Variants in PCDHA7 observed in about 807,000 individuals in gnomAD.
PCDHA7 encodes the protein protocadherin alpha 7.
PCDHA7 carries 37 observed loss-of-function variants against 57.2 expected under a neutral mutation model. That is an observed-to-expected ratio of 0.65 (90% CI 0.50 to 0.85). The LOEUF (loss-of-function observed/expected upper bound fraction) is 0.85. Ranked by LOEUF, PCDHA7 falls within the 40% of genes least tolerant of loss-of-function variation. The pLI, the probability that PCDHA7 is intolerant of heterozygous loss-of-function variation, is 0.00. For missense variants in PCDHA7, 1,188 were observed against 1,241.8 expected (o/e 0.96, Z 0.65); for synonymous variants, 553 against 558.8 (o/e 0.99, Z 0.15).
At chr5:140,926,789 G>C in intron 1 of PCDHA7, 1 of 1,432,318 alleles carries the variant, frequency 7.0e-7, no homozygotes, top group Non-Finnish European at 9.1e-7. Context: ...CGGCCGGCAG[G>C]AGCGTGCTCT....
At chr5:140,993,523 C>CAG (rs111789518) in intron 3 of PCDHA7, among the ~76,000 whole-genome samples, 24 of 145,748 alleles carry the variant, frequency 1.6e-4, no homozygotes, top group African/African-American at 5.0e-4. Flanking sequence ...GAGAGAGAGA[C>CAG]AGAGAGAGAG....
chr5:140,843,109 A>C (rs2150352812), intron 1 of PCDHA7: 9 of 1,595,800 alleles, frequency 5.6e-6, no homozygotes, highest in Non-Finnish European at 6.9e-6. Flanking sequence ...AGGTGCGCGC[A>C]GTGGACGCCG....
At chr5:140,918,853 C>T (rs1348069562) in intron 1 of PCDHA7, among the ~76,000 whole-genome samples, 4 of 152,134 alleles carry the variant, frequency 2.6e-5, no homozygotes, top group Non-Finnish European at 5.9e-5. Context: ...CTGCTGGTGC[C>T]TGAATCATGA....
chr5:140,929,499 C>A, intron 1 of PCDHA7: 2 of 980,262 alleles, frequency 2.0e-6, no homozygotes, highest in Non-Finnish European at 2.8e-6. Context: ...GAAGATTGCC[C>A]TAGGCCTCAA....
chr5:140,888,275 G>A (rs974764035), intron 1 of PCDHA7, among the ~76,000 whole-genome samples: 1 of 152,056 alleles, frequency 6.6e-6, no homozygotes, highest in African/African-American at 2.4e-5. Context: ...AAACAGTTTT[G>A]TCCCCTCTAC....
intron 1 of PCDHA7, among the ~76,000 whole-genome samples, chr5:140,934,797 T>G (rs1045887352): frequency 2.4e-4 from 36 of 152,236 alleles, no homozygotes; most frequent in Admixed American, 1.4e-3. Context: ...CAATTATCTT[T>G]TTAATGATCA....
intron 1 of PCDHA7, chr5:140,882,629 G>A: frequency 6.2e-7 from 1 of 1,614,254 alleles, no homozygotes; most frequent in Admixed American, 1.7e-5. Context: ...CCATGTGGAG[G>A]TGAAGGTGAG....
chr5:140,850,918 A>G (rs2150502117), intron 1 of PCDHA7: 3 of 1,529,350 alleles, frequency 2.0e-6, no homozygotes, highest in Non-Finnish European at 2.6e-6. Context: ...TTATTTATTT[A>G]TATAATTTTT....
chr5:140,927,637 G>A lies in PCDHA7; in HGVS notation c.2356-51312G>A, dbSNP rs1554204838. Reference sequence around the variant, plus strand: ...CAAGGTTCCAGAGACTGCACCCAATGGGACTGTGTTATTCCGAGTTCAAGC... The same window carrying A: ...CAAGGTTCCAGAGACTGCACCCAATAGGACTGTGTTATTCCGAGTTCAAGC... On this transcript the variant is annotated intron_variant, in intron 1 of 3. Coordinates refer to ENST00000525929, the MANE Select transcript of PCDHA7 (RefSeq NM_018910.3). 3.7e-6 allele frequency: 6 copies of A among 1,614,176 alleles called. 1 individual carries two copies. In the Middle Eastern group the frequency reaches 9.9e-4, roughly 266 times the overall value.
intron 3 of PCDHA7, among the ~76,000 whole-genome samples, chr5:140,996,287 A>C (rs1200123512): frequency 2.0e-5 from 3 of 152,258 alleles, no homozygotes; most frequent in African/African-American, 4.8e-5. Context: ...AAATTTCAAG[A>C]AGCACAGATT....
Position 141,011,543 on chromosome 5 carries a change from G to T in PCDHA7, c.*1606G>T, listed in dbSNP as rs1478395558. The stretch of plus-strand genomic sequence containing the variant: ...TTTTAACCATTGTTAATCAGCTTTT[G>T]TGTATGAAAGACACAGTAAAATTTC... On this transcript the variant is annotated 3_prime_UTR_variant, in exon 4 of 4. Coordinates refer to ENST00000525929, the MANE Select transcript of PCDHA7 (RefSeq NM_018910.3). 1.3e-5 allele frequency: 2 copies of T among 153,468 alleles called. No individual in the cohort carries two copies. Among genetic ancestry groups the T allele is most frequent in the African/African-American group, 4.8e-5 (2 of 41,376 alleles). The allele number at this position is 153,468 out of a possible 1,614,324, so 9.5% of individuals were successfully genotyped here. A position where few individuals can be genotyped will look rare whatever the true frequency, so the allele number is the denominator to read the frequency against.
Position 141,010,389 on chromosome 5 carries a change from G to A in PCDHA7, c.*452G>A. The A allele has an allele frequency of 1.4e-6, 2 of 1,400,314 alleles. No individual in the cohort carries two copies. Among genetic ancestry groups the A allele is most frequent in the Non-Finnish European group, 1.9e-6 (2 of 1,052,510 alleles). The allele number at this position is 1,400,314 out of a possible 1,614,324, so 86.7% of individuals were successfully genotyped here. ...TATGCGAGTGCCAGATATTGGCTGA[G>A]ACGAGCCAGCTTAGACTAATTGGTA... On this transcript the variant is annotated 3_prime_UTR_variant, in exon 4 of 4. Coordinates refer to ENST00000525929, the MANE Select transcript of PCDHA7 (RefSeq NM_018910.3).
chr5:140,877,153 A>T (rs2056892429), intron 1 of PCDHA7: 2 of 1,613,798 alleles, frequency 1.2e-6, no homozygotes, highest in Non-Finnish European at 1.7e-6. Flanking sequence ...CGAGAACGAC[A>T]ACGCGCCGGC....
chr5:140,982,963 A>G (rs2097017646), intron 3 of PCDHA7, among the ~76,000 whole-genome samples: 1 of 151,972 alleles, frequency 6.6e-6, no homozygotes, highest in South Asian at 2.1e-4. Context: ...AAACCCACCC[A>G]AAGTAGTAAG....
intron 1 of PCDHA7, among the ~76,000 whole-genome samples, chr5:140,964,058 A>C (rs147228403): frequency 1.4e-3 from 207 of 152,356 alleles, no homozygotes; most frequent in Admixed American, 4.3e-3. Flanking sequence ...TGGTGTGGTC[A>C]AGGCATTAGT....
At chr5:140,848,906 A>G (rs2150424072) in intron 1 of PCDHA7, 1 of 1,608,234 alleles carries the variant, frequency 6.2e-7, no homozygotes, top group African/African-American at 1.4e-5. Flanking sequence ...CAGCGACACA[A>G]AAGAATCTGT....
intron 1 of PCDHA7, among the ~76,000 whole-genome samples, chr5:140,888,214 G>T (rs2061741689): frequency 6.6e-6 from 1 of 152,130 alleles, no homozygotes; most frequent in African/African-American, 2.4e-5. Context: ...TGGATTTTGT[G>T]TGTGTGTGCA....
intron 1 of PCDHA7, chr5:140,927,237 G>A (rs1554204217): frequency 1.2e-6 from 2 of 1,614,110 alleles, no homozygotes; most frequent in Admixed American, 1.7e-5. Flanking sequence ...TTCACGTCCT[G>A]GACACCAATG....
intron 1 of PCDHA7, chr5:140,871,378 T>C: frequency 6.2e-7 from 1 of 1,614,188 alleles, no homozygotes; most frequent in South Asian, 1.1e-5. Context: ...GAGGGTGTGC[T>C]CTGAGGAGGG....
Sources: gnomAD v4.1 joint callset for allele counts (sites outside exome capture counted in the v4.1 genomes callset) on GRCh38, gnomAD v4.1.1 for gene constraint, MANE v1.5 for transcripts, NCBI Gene and HGNC (gene_info 2026-07-23, HGNC 2026-07-21) for gene names.